Variants in GOLGA3 observed in about 807,000 individuals in gnomAD.
GOLGA3 encodes the protein golgin A3.
In GOLGA3, 75 loss-of-function variants were observed where a neutral mutation model predicts 169.4. The observed-to-expected ratio is 0.44, with a 90% CI of 0.37 to 0.54. The LOEUF is 0.54. GOLGA3 is among the 20% of genes least tolerant of loss of function. The pLI is 0.00. For missense variants in GOLGA3, 1,899 were observed against 1,930.0 expected, an observed-to-expected ratio of 0.98 and a Z score of 0.30; for synonymous variants, 824 against 822.4, an observed-to-expected ratio of 1.00 and a Z score of -0.03.
chr12:132,792,433 T>C (rs1383457521), intron 11 of GOLGA3, among the ~76,000 whole-genome samples: 1 of 152,238 alleles, frequency 6.6e-6, no homozygotes, highest in African/African-American at 2.4e-5. Context: ...GAACCCGGTG[T>C]TGGGCTGCGC....
intron 4 of GOLGA3, among the ~76,000 whole-genome samples, chr12:132,812,555 T>C (rs938610933): frequency 2.0e-5 from 3 of 151,396 alleles, no homozygotes; most frequent in Admixed American, 6.6e-5. Flanking sequence ...TTAACAGGAG[T>C]GTGGAAGAAG....
rs776077686 is a variant in GOLGA3, at chr12:132,772,543, C to CCA, written c.*561_*562insTG. The CCA allele has an allele frequency of 1.2e-5, 1 of 86,162 alleles. No individual in the cohort carries two copies. Among genetic ancestry groups the CCA allele is most frequent in the Non-Finnish European group, 2.1e-5 (1 of 47,676 alleles). 5.3% of individuals were successfully genotyped at this position (86,162 alleles called of 1,614,324 possible). ...TGGGCAACAAAGCGAGACTCTGTCT[C>CCA]AAAAAAAAAAAAAAAAAAAAAACAA... is the stretch of plus-strand genomic sequence containing the variant. On this transcript the variant is annotated 3_prime_UTR_variant, in exon 24 of 24. Transcript: ENST00000450791.
chr12:132,786,700 C>G lies in GOLGA3; in HGVS notation c.2899G>C (p.Ala967Pro), dbSNP rs774410557. The part of the protein sequence containing the change: ...KKQIEELQQE[A>P]RKAITEQKQK... ...GGGCACATGCAGACTTACTTCCGGG[C>G]CTCTTGCTGCAACTCTTCGATTTGT... Residue 967 changes from alanine to proline, a missense_variant, in exon 14 of 24, where the codon GCC becomes CCC. Transcript: ENST00000450791. 16 of 1,528,488 alleles carry G rather than the reference C, an allele frequency of 1.0e-5. No homozygotes were observed. The highest frequency in any genetic ancestry group is 1.2e-5 in the Non-Finnish European group (14 of 1,130,548). 94.7% of individuals were successfully genotyped at this position (1,528,488 alleles called of 1,614,324 possible).
At chr12:132,784,723 C>T (rs1426453560) in intron 15 of GOLGA3, among the ~76,000 whole-genome samples, 3 of 149,730 alleles carry the variant, frequency 2.0e-5, no homozygotes, top group Non-Finnish European at 3.0e-5. Flanking sequence ...CACACACACA[C>T]GTGCTCACAC....
intron 13 of GOLGA3, among the ~76,000 whole-genome samples, chr12:132,787,645 A>G (rs2045976782): frequency 1.3e-5 from 1 of 78,944 alleles, no homozygotes; most frequent in Non-Finnish European, 2.5e-5. Flanking sequence ...AGACCACGGG[A>G]CCCCTCCCCG....
chr12:132,771,262 C>T lies in GOLGA3; in HGVS notation c.*1843G>A, dbSNP rs1201983397. On this transcript the variant is annotated 3_prime_UTR_variant, in exon 24 of 24. Transcript: ENST00000450791. ...AACAGAACACAAATAGCTTAAAACA[C>T]ACCATACTGTTTTCTCCACAAAACA... 1 of 152,586 alleles carries T rather than the reference C, an allele frequency of 6.6e-6. No individual in the cohort carries two copies. Among genetic ancestry groups the T allele is most frequent in the Non-Finnish European group, 1.5e-5 (1 of 68,042 alleles). The allele number at this position is 152,586 out of a possible 1,614,324, so 9.5% of individuals were successfully genotyped here.
chr12:132,783,660 C>T (rs2045739052), intron 16 of GOLGA3, among the ~76,000 whole-genome samples: 1 of 152,208 alleles, frequency 6.6e-6, no homozygotes, highest in Non-Finnish European at 1.5e-5. Context: ...CTCACTGCAA[C>T]CTCCGCTCCT....
chr12:132,769,679 G>A lies in GOLGA3; in HGVS notation c.*3426C>T, dbSNP rs889183148. 4.6e-5 allele frequency: 7 copies of A among 152,158 alleles called. No individual in the cohort carries two copies. Among genetic ancestry groups the A allele is most frequent in the African/African-American group, 1.7e-4 (7 of 41,430 alleles). 9.4% of individuals were successfully genotyped at this position (152,158 alleles called of 1,614,324 possible). On this transcript the variant is annotated 3_prime_UTR_variant, in exon 24 of 24. Transcript: ENST00000450791. The stretch of plus-strand genomic sequence containing the variant: ...AGTGCCCTAGCCTGTTGTGACACAC[G>A]GTGTGGGGATGAACACGCCGCCCTA...
rs774232289 is a variant in GOLGA3, at chr12:132,796,203, G to A, written c.2118C>T (p.Leu706=). ...QQLEQVKLTL[L]QRDQQLEALQ... is the part of the protein sequence containing the mutation. Reference sequence around the variant, plus strand: ...AAGCCTCAAGCTGCTGGTCTCGCTGGAGTAAAGTCAACTTCACCTGGAGAA... The same window carrying A: ...AAGCCTCAAGCTGCTGGTCTCGCTGAAGTAAAGTCAACTTCACCTGGAGAA... The change falls in exon 11 of 24, where the codon CTC becomes CTT. Residue 706 remains leucine, a synonymous_variant. Coordinates refer to ENST00000450791, the MANE Select transcript of GOLGA3 (RefSeq NM_001389683.1). The A allele has an allele frequency of 1.3e-6, 2 of 1,590,900 alleles. No individual in the cohort carries two copies. The highest frequency in any genetic ancestry group is 3.4e-5 in the Admixed American group (2 of 59,466).
intron 8 of GOLGA3, among the ~76,000 whole-genome samples, chr12:132,799,795 C>T (rs183682402): frequency 3.7e-4 from 56 of 152,028 alleles, no homozygotes; most frequent in Admixed American, 2.4e-3. Context: ...GTGTGGAGTG[C>T]AGCAGCGCAA....
chr12:132,793,977 A>T (rs1948686200), intron 11 of GOLGA3, among the ~76,000 whole-genome samples: 1 of 152,236 alleles, frequency 6.6e-6, no homozygotes, highest in Non-Finnish European at 1.5e-5. Context: ...GCATGACTGA[A>T]GAATGAGCCT....
chr12:132,821,437 G>A (rs552236211), intron 2 of GOLGA3, among the ~76,000 whole-genome samples: 1 of 152,108 alleles, frequency 6.6e-6, no homozygotes, highest in Admixed American at 6.6e-5. Flanking sequence ...ATTTTAGGCA[G>A]GGAACATGAT....
rs1294310808 is a variant in GOLGA3 at position 132,774,314 on chromosome 12, C to A, written c.4150G>T (p.Glu1384Ter). 6.2e-7 allele frequency: 1 copy of A among 1,611,586 alleles called. No homozygotes were observed. The highest frequency in any genetic ancestry group is 1.1e-5 in the South Asian group (1 of 91,088). ...LRRGAAKTRK[E>*]PKGEASSSNP... ...GAAGAGCTGGCCTCGCCTTTCGGCT[C>A]CTTTCTCTGTTTTTAAAAGCACATG... The change falls in exon 23 of 24, where the codon GAG becomes TAG. Residue 1384 changes from glutamate to a stop codon, truncating the protein, a stop_gained. Coordinates refer to ENST00000450791, the MANE Select transcript of GOLGA3 (RefSeq NM_001389683.1). LOFTEE classifies it high-confidence loss of function.
In GOLGA3 at chr12:132,771,670, TTC is replaced by T. The variant is rs1402732518; in HGVS notation, c.*1433_*1434del. 4 of 152,158 alleles carry T rather than the reference TTC, an allele frequency of 2.6e-5. No homozygotes were observed. Among genetic ancestry groups the T allele is most frequent in the African/African-American group, 9.7e-5 (4 of 41,434 alleles). The allele number at this position is 152,158 out of a possible 1,614,324, so 9.4% of individuals were successfully genotyped here. ...GGTGTAACCACAAAAGATCCAGGAC[TTC>T]TCGATGACTGCAGAAGTACAGGTGC... On this transcript the variant is annotated 3_prime_UTR_variant, in exon 24 of 24. Coordinates refer to ENST00000450791, the MANE Select transcript of GOLGA3 (RefSeq NM_001389683.1).
chr12:132,822,392 A>G, intron 1 of GOLGA3, 81 bp from the exon 2 acceptor site: 2 of 754,656 alleles, frequency 2.7e-6, no homozygotes, highest in Non-Finnish European at 1.9e-6. Context: ...TTTGGTTCCC[A>G]ATTTGCATAC....
intron 3 of GOLGA3, among the ~76,000 whole-genome samples, chr12:132,813,926 A>G (rs1433545484): frequency 6.6e-6 from 1 of 151,044 alleles, no homozygotes; most frequent in Non-Finnish European, 1.5e-5. Context: ...GGGTTTCACC[A>G]TGTTAGTCAG....
chr12:132,811,476 A>ATTTTTTT (rs202026810), intron 4 of GOLGA3, among the ~76,000 whole-genome samples: 3 of 151,076 alleles, frequency 2.0e-5, no homozygotes, highest in Non-Finnish European at 1.5e-5. Flanking sequence ...TCATACTTGC[A>ATTTTTTT]TTTTTATTTT....
At chr12:132,791,905 G>C (rs575798205) in intron 11 of GOLGA3, among the ~76,000 whole-genome samples, 2 of 136,650 alleles carry the variant, frequency 1.5e-5, no homozygotes, top group Non-Finnish European at 3.2e-5. Flanking sequence ...TTACACTGAG[G>C]GCTCCAGGAA....
At chr12:132,776,073 G>A (rs1203178626) in intron 21 of GOLGA3, among the ~76,000 whole-genome samples, 1 of 152,232 alleles carries the variant, frequency 6.6e-6, no homozygotes, top group Non-Finnish European at 1.5e-5. Flanking sequence ...CGGGAGCACT[G>A]CCTGGCCGCA....
Sources: gnomAD v4.1 joint callset for allele counts (sites outside exome capture counted in the v4.1 genomes callset) on GRCh38, gnomAD v4.1.1 for gene constraint, MANE v1.5 for transcripts, NCBI Gene and HGNC (gene_info 2026-07-23, HGNC 2026-07-21) for gene names.